IMMP2L: variants seen among roughly 807,000 people sequenced by gnomAD.
IMMP2L encodes mitochondrial inner membrane protease subunit 2.
IMMP2L carries 18 observed loss-of-function variants against 19.3 expected under a neutral mutation model. The observed-to-expected ratio is 0.93, with a 90% CI of 0.64 to 1.38. The LOEUF (loss-of-function observed/expected upper bound fraction) is 1.38. Ranked by LOEUF, IMMP2L falls within the 40% of genes most tolerant of loss-of-function variation. The probability of loss-of-function intolerance (pLI) is 0.00; values close to 1 mark genes in which losing one functional copy is unlikely to be tolerated. For missense variants in IMMP2L, 233 were observed against 218.2 expected (o/e 1.07, Z -0.43); for synonymous variants, 76 against 73.0 (o/e 1.04, Z -0.21).
rs192141461 is a variant in IMMP2L, at chr7:111,069,807, C to T, written c.240-106242G>A. The stretch of plus-strand genomic sequence containing the variant: ...ACACAAATCATACAAAAAAATTGAC[C>T]CCCAGGATCTCATTAGATCTTTCCA... On this transcript the variant is annotated intron_variant, in intron 3 of 5. Coordinates refer to ENST00000405709, the MANE Select transcript of IMMP2L (RefSeq NM_032549.4). 3.2e-4 allele frequency among the ~76,000 whole-genome samples: 49 copies of T among 152,124 alleles called. No individual in the cohort carries two copies. In the East Asian group the frequency reaches 9.1e-3, roughly 28 times the overall value.
At position 110,894,892 on chromosome 7, in the gene IMMP2L, A is replaced by G. The variant is rs115069768; in HGVS notation, c.306-8197T>C. ...TGGTTCAAATTTCAATTTTTTACAT[A>G]TGGTTATCCAATTTTTCCAGTACCA... On this transcript the variant is annotated intron_variant, in intron 4 of 5. Transcript: ENST00000405709. 5.0e-3 allele frequency among the ~76,000 whole-genome samples: 760 copies of G among 152,230 alleles called. 10 individuals are homozygous for G. The highest frequency in any genetic ancestry group is 0.018 in the African/African-American group (737 of 41,538).
At chr7:111,235,209 C>G (rs1814152470) in intron 3 of IMMP2L, among the ~76,000 whole-genome samples, 1 of 151,994 alleles carries the variant, frequency 6.6e-6, no homozygotes, top group Non-Finnish European at 1.5e-5. Flanking sequence ...CAGTGGCTCA[C>G]GCCTGTAATA....
At chr7:111,430,390 TTTTAGGAAAAGCTAAAAATGTCA>T (rs1836508183) in intron 3 of IMMP2L, among the ~76,000 whole-genome samples, 1 of 151,682 alleles carries the variant, frequency 6.6e-6, no homozygotes, top group African/African-American at 2.4e-5. Flanking sequence ...ATTTATACAT[TTTTAGGAAAAGCTAAAAATGTCA>T]TCAAGTATGC....
At chr7:110,664,488 G>A (rs1465328317) in intron 5 of IMMP2L, among the ~76,000 whole-genome samples, 1 of 152,172 alleles carries the variant, frequency 6.6e-6, no homozygotes, top group Admixed American at 6.5e-5. Flanking sequence ...GATTGGCGAG[G>A]ATGGAAGAGG....
chr7:110,893,548 T>C (rs557536151), intron 4 of IMMP2L, among the ~76,000 whole-genome samples: 5 of 152,320 alleles, frequency 3.3e-5, no homozygotes, highest in African/African-American at 1.2e-4. Context: ...ACTTTAGATG[T>C]TTCTAATTTT....
intron 5 of IMMP2L, among the ~76,000 whole-genome samples, chr7:110,810,110 C>G (rs1314695970): frequency 1.3e-5 from 2 of 152,204 alleles, no homozygotes; most frequent in East Asian, 1.9e-4. Flanking sequence ...TCCCAACTCT[C>G]AGCTGGAAAT....
chr7:111,428,839 G>A (rs1047697604), intron 3 of IMMP2L, among the ~76,000 whole-genome samples: 3 of 151,792 alleles, frequency 2.0e-5, no homozygotes, highest in Non-Finnish European at 2.9e-5. Flanking sequence ...CATAGTTGCC[G>A]TGAATCATTC....
chr7:110,864,125 AG>A (rs1807739431), intron 5 of IMMP2L, among the ~76,000 whole-genome samples: 2 of 152,282 alleles, frequency 1.3e-5, no homozygotes, highest in Admixed American at 6.5e-5. Context: ...AAAATTTGAA[AG>A]ACCCGTTCCA....
In IMMP2L at chr7:110,896,272, TATTTAA is replaced by T. The variant is rs147591888; in HGVS notation, c.306-9583_306-9578del. Among the ~76,000 whole-genome samples, 900 of 152,226 alleles carry T rather than the reference TATTTAA, an allele frequency of 5.9e-3. 7 individuals carry two copies. The highest frequency in any genetic ancestry group is 0.021 in the African/African-American group (875 of 41,534). ...ATAACTCCACACTGTAAAGAAAATA[TATTTAA>T]ATTTAGTTTTTGCTAAAATGATGAT... On this transcript the variant is annotated intron_variant, in intron 4 of 5. Transcript: ENST00000405709.
intron 3 of IMMP2L, among the ~76,000 whole-genome samples, chr7:111,273,020 G>A (rs574753871): frequency 6.6e-6 from 1 of 152,208 alleles, no homozygotes; most frequent in Admixed American, 6.6e-5. Flanking sequence ...TCAGCATCCT[G>A]TAATCTCAGC....
Position 111,101,047 on chromosome 7 carries a change from C to T in IMMP2L, c.240-137482G>A, listed in dbSNP as rs1484612491. Among the ~76,000 whole-genome samples, 13 of 151,492 alleles carry T rather than the reference C, an allele frequency of 8.6e-5. No homozygotes were observed. In the East Asian group the frequency reaches 2.5e-3, roughly 29 times the overall value. ...AGAATGGTAACTCCTCCTCCTTGAT[C>T]ACCACATTCTGCCTCCACACCTGCT... On this transcript the variant is annotated intron_variant, in intron 3 of 5. Transcript: ENST00000405709.
intron 3 of IMMP2L, among the ~76,000 whole-genome samples, chr7:111,256,089 T>G (rs1816667209): frequency 6.6e-6 from 1 of 152,088 alleles, no homozygotes; most frequent in Non-Finnish European, 1.5e-5. Flanking sequence ...ATTATTTCTT[T>G]GGGAAGTATT....
intron 3 of IMMP2L, among the ~76,000 whole-genome samples, chr7:111,350,111 G>A (rs1303485225): frequency 6.6e-6 from 1 of 151,510 alleles, no homozygotes; most frequent in Non-Finnish European, 1.5e-5. Context: ...TGGATTACAC[G>A]TGCACGCCAC....
At chr7:111,311,793 G>C (rs1249915350) in intron 3 of IMMP2L, among the ~76,000 whole-genome samples, 1 of 151,974 alleles carries the variant, frequency 6.6e-6, no homozygotes, top group Admixed American at 6.6e-5. Context: ...TTAAAAGTTT[G>C]GTGTCACAAT....
At chr7:111,157,805 A>G (rs1216217751) in intron 3 of IMMP2L, among the ~76,000 whole-genome samples, 1 of 152,144 alleles carries the variant, frequency 6.6e-6, no homozygotes, top group East Asian at 1.9e-4. Flanking sequence ...ATTATTACAC[A>G]TTGTATACCC....
At chr7:111,523,385 A>T (rs185852251) in intron 1 of IMMP2L, among the ~76,000 whole-genome samples, 1 of 152,058 alleles carries the variant, frequency 6.6e-6, no homozygotes. Flanking sequence ...GTTGTATACA[A>T]TAAAACTCAC....
intron 3 of IMMP2L, among the ~76,000 whole-genome samples, chr7:111,033,697 G>C (rs1017274216): frequency 6.6e-5 from 10 of 152,156 alleles, no homozygotes; most frequent in African/African-American, 2.2e-4. Context: ...ATTGCTTAGT[G>C]AAATATGGCA....
intron 4 of IMMP2L, among the ~76,000 whole-genome samples, chr7:110,947,901 T>C (rs909937730): frequency 2.0e-5 from 3 of 152,154 alleles, no homozygotes; most frequent in Non-Finnish European, 4.4e-5. Context: ...GAAAATCTCT[T>C]TGATTCCCAG....
rs1798290793 is a variant in IMMP2L at position 110,760,567 on chromosome 7, C to T, written c.409-96846G>A. Among the ~76,000 whole-genome samples the T allele has an allele frequency of 6.6e-6, 1 of 152,098 alleles. No homozygotes were observed. The highest frequency in any genetic ancestry group is 2.1e-4 in the South Asian group (1 of 4,832). On this transcript the variant is annotated intron_variant, in intron 5 of 5. Transcript: ENST00000405709. The surrounding 1 kb of genome is among the most constrained non-coding windows in gnomAD (Gnocchi z 4.2). ...TTGTCCCCAACTCCCAGGAGGGCAACTGCTGGGAAGGAATGAAGTTCCTAG... is the reference window on the plus strand; with the variant it reads ...TTGTCCCCAACTCCCAGGAGGGCAATTGCTGGGAAGGAATGAAGTTCCTAG...
Sources: allele counts gnomAD v4.1 joint callset (sites outside exome capture counted in the v4.1 genomes callset), GRCh38; gene constraint gnomAD v4.1.1; non-coding constraint Gnocchi (gnomAD v3.1); transcripts MANE v1.5; gene names NCBI Gene and HGNC (gene_info 2026-07-23, HGNC 2026-07-21).